The following TTC7B variants were observed in gnomAD, a reference collection of about 807,000 sequenced individuals.
The protein encoded by TTC7B is tetratricopeptide repeat protein 7B.
TTC7B carries 28 observed loss-of-function variants against 106.8 expected under a neutral mutation model. The observed-to-expected ratio is 0.26, with a 90% CI of 0.19 to 0.36. The LOEUF is 0.36. Among genes scored for constraint, TTC7B ranks in the 10% least tolerant of loss-of-function variants. The pLI is 1.00. For synonymous variants in TTC7B, 405 were observed against 430.6 expected (o/e 0.94, Z 0.74); for missense variants, 862 against 1,076.4 (o/e 0.80, Z 2.79).
At position 90,744,847 on chromosome 14, in the gene TTC7B, G is replaced by A. The variant is rs377081493; in HGVS notation, c.521C>T (p.Thr174Ile). The change falls in exon 4 of 20, where the codon ACC becomes ATC. Residue 174 changes from threonine (T) to isoleucine (I), a missense_variant. Coordinates refer to ENST00000328459, the MANE Select transcript of TTC7B (RefSeq NM_001010854.2). ...GATGTCCCCTGCTTTCTCATAACAG[G>A]TGATGACATCCTGTTCCCGGTCCAC... ...LHVDREQDVI[T>I]CYEKAGDIAL... is the part of the protein sequence containing the mutation. 5 of 1,613,986 alleles carry A rather than the reference G, an allele frequency of 3.1e-6. No homozygotes were observed. The South Asian group carries it at 5.5e-5, about 18-fold the overall frequency.
chr14:90,573,497 T>TC (rs1201536647), intron 19 of TTC7B, among the ~76,000 whole-genome samples: 6 of 119,522 alleles, frequency 5.0e-5, no homozygotes, highest in East Asian at 2.2e-4. Flanking sequence ...ACGGTCCCTC[T>TC]CAGCTCACGG....
At chr14:90,613,136 C>G (rs897863566) in intron 16 of TTC7B, among the ~76,000 whole-genome samples, 28 of 152,206 alleles carry the variant, frequency 1.8e-4, no homozygotes, top group African/African-American at 6.3e-4. Context: ...TGGTTCATGC[C>G]TGTCATCTCA....
chr14:90,801,618 CA>C (rs1323365339), intron 1 of TTC7B, among the ~76,000 whole-genome samples: 1 of 152,096 alleles, frequency 6.6e-6, no homozygotes, highest in African/African-American at 2.4e-5. Context: ...AGACAGCATT[CA>C]ATATCCAAGT....
At chr14:90,559,595 C>A (rs1221283199) in intron 19 of TTC7B, among the ~76,000 whole-genome samples, 2 of 152,200 alleles carry the variant, frequency 1.3e-5, no homozygotes, top group African/African-American at 4.8e-5. Flanking sequence ...TAAAGCCCAC[C>A]CTACATGGAC....
At chr14:90,564,886 G>A (rs564791846) in intron 19 of TTC7B, among the ~76,000 whole-genome samples, 1 of 152,312 alleles carries the variant, frequency 6.6e-6, no homozygotes, top group East Asian at 1.9e-4. Flanking sequence ...ACTCCAGCTT[G>A]GGAGGCAGAG....
In TTC7B at chr14:90,577,924, G is replaced by T. The variant is rs940377703; in HGVS notation, c.2310+182C>A. Among the ~76,000 whole-genome samples, 2 of 152,218 alleles carry T rather than the reference G, an allele frequency of 1.3e-5. No individual in the cohort carries two copies. Among genetic ancestry groups the T allele is most frequent in the African/African-American group, 2.4e-5 (1 of 41,456 alleles). On this transcript the variant is annotated intron_variant, in intron 19 of 19. Transcript: ENST00000328459. This position sits in a 1 kb window ranked among gnomAD's most constrained non-coding sequence, Gnocchi z 5.0. ...GCTATACACAGCCAACTCTGGGGGT[G>T]CCATTTGCATAAACTATGGTAGAAA...
intron 4 of TTC7B, among the ~76,000 whole-genome samples, chr14:90,743,985 C>T (rs1889863626): frequency 6.6e-6 from 1 of 152,232 alleles, no homozygotes; most frequent in Admixed American, 6.5e-5. Flanking sequence ...TCGTTTCCAT[C>T]ACCCACACCA....
chr14:90,541,530 C>T lies in TTC7B; in HGVS notation c.2370G>A (p.Ala790=), dbSNP rs146965228. 1,774 of 1,612,972 alleles carry T rather than the reference C, an allele frequency of 1.1e-3. No homozygotes were observed. Among genetic ancestry groups the T allele is most frequent in the Non-Finnish European group, 1.4e-3 (1,638 of 1,179,318 alleles). The change falls in exon 20 of 20, where the codon GCG becomes GCA. Residue 790 remains alanine (A), a synonymous_variant. Transcript: ENST00000328459. ...CGTGGGCTGTCGAGTTCACCTGCAC[C>T]GCGTCCCGGAGGATCTTCTCCGCCA... ...YSLAEKILRD[A]VQVNSTAHEV...
intron 19 of TTC7B, among the ~76,000 whole-genome samples, chr14:90,555,058 A>G (rs907141934): frequency 6.6e-6 from 1 of 152,196 alleles, no homozygotes; most frequent in Non-Finnish European, 1.5e-5. Flanking sequence ...CAAGCCAGGT[A>G]GACGTCAGGT....
intron 3 of TTC7B, chr14:90,766,460 A>C (rs1327042474): frequency 3.1e-6 from 2 of 640,740 alleles, no homozygotes; most frequent in African/African-American, 3.6e-5. Context: ...AAAAGGACAT[A>C]GAAAACCTAA....
rs945494682 is a variant in TTC7B, at chr14:90,806,653, T to C, written c.121+9522A>G. ...CAGGCACAGTGACTCAAACCTGTAA[T>C]CCCAGCACTTTGGGAGGCCAAAGTG... On this transcript the variant is annotated intron_variant, in intron 1 of 19. Transcript: ENST00000328459. 6.6e-5 allele frequency among the ~76,000 whole-genome samples: 10 copies of C among 152,280 alleles called. No homozygotes were observed. The East Asian group carries it at 1.9e-3, about 29-fold the overall frequency.
intron 11 of TTC7B, among the ~76,000 whole-genome samples, chr14:90,655,947 C>CAGT (rs1885929713): frequency 6.6e-6 from 1 of 152,044 alleles, no homozygotes; most frequent in African/African-American, 2.4e-5. Flanking sequence ...GGGAGGAGGG[C>CAGT]AGTAGTCACT....
intron 15 of TTC7B, among the ~76,000 whole-genome samples, chr14:90,636,120 CAA>C (rs779277935): frequency 1.4e-4 from 14 of 98,520 alleles, no homozygotes; most frequent in Non-Finnish European, 1.5e-4. Context: ...GACTCCATCT[CAA>C]AAAAAAAAAA....
chr14:90,730,779 G>C (rs2139989194), intron 4 of TTC7B, among the ~76,000 whole-genome samples: 1 of 152,308 alleles, frequency 6.6e-6, no homozygotes, highest in African/African-American at 2.4e-5. Context: ...TATTCTCAAA[G>C]GGAGAGCTGA....
Position 90,631,397 on chromosome 14 carries a change from C to T in TTC7B, c.1751+12651G>A, listed in dbSNP as rs374019046. On this transcript the variant is annotated intron_variant, in intron 15 of 19. Transcript: ENST00000328459. ...GGAACCACCATACTGTTTTCCATAG[C>T]GTCTGCACCAATTTTTTTTTTTTTT... Among the ~76,000 whole-genome samples the T allele has an allele frequency of 8.6e-5, 13 of 150,826 alleles. No homozygotes were observed. In the East Asian group the frequency reaches 1.6e-3, roughly 18 times the overall value.
intron 2 of TTC7B, among the ~76,000 whole-genome samples, chr14:90,782,797 G>A (rs1416327228): frequency 6.6e-6 from 1 of 152,202 alleles, no homozygotes; most frequent in Non-Finnish European, 1.5e-5. Context: ...CACATCACAA[G>A]AGGTTCGCTC....
chr14:90,734,517 G>A (rs775844043), intron 4 of TTC7B, among the ~76,000 whole-genome samples: 2 of 151,672 alleles, frequency 1.3e-5, no homozygotes, highest in African/African-American at 4.8e-5. Flanking sequence ...ATCATGCTTT[G>A]AAAAGCATCA....
intron 7 of TTC7B, among the ~76,000 whole-genome samples, chr14:90,688,549 G>A (rs1005947314): frequency 6.8e-6 from 1 of 147,520 alleles, no homozygotes; most frequent in Non-Finnish European, 1.5e-5. Flanking sequence ...CTTGAACCCA[G>A]GAGGTGGAGG....
At chr14:90,671,977 C>T (rs4900056) in intron 9 of TTC7B, among the ~76,000 whole-genome samples, 41,656 of 152,066 alleles carry the variant, frequency 0.27, 6,547 homozygotes, top group African/African-American at 0.42. Flanking sequence ...GTCTGCACAA[C>T]GCTGCACAAC....
Sources: gnomAD v4.1 joint callset for allele counts (sites outside exome capture counted in the v4.1 genomes callset) on GRCh38, gnomAD v4.1.1 for gene constraint, Gnocchi (gnomAD v3.1) non-coding constraint, MANE v1.5 for transcripts, NCBI Gene and HGNC (gene_info 2026-07-23, HGNC 2026-07-21) for gene names.